Variants in GABRA3 observed in about 807,000 individuals in gnomAD.
GABRA3 encodes the protein gamma-aminobutyric acid receptor subunit alpha-3.
In GABRA3, 10 loss-of-function variants were observed where a neutral mutation model predicts 30.1. The ratio of observed to expected loss-of-function variants is 0.33; its 90% CI spans 0.20 to 0.56. GABRA3 has a LOEUF of 0.56. GABRA3 is among the 20% of genes least tolerant of loss of function. The pLI is 0.89. For missense variants in GABRA3, 233 were observed against 392.0 expected, an observed-to-expected ratio of 0.59 and a Z score of 3.42; for synonymous variants, 151 against 146.8, an observed-to-expected ratio of 1.03 and a Z score of -0.21.
intron 1 of GABRA3, among the ~76,000 whole-genome samples, chrX:152,410,215 G>A (rs1428687101): frequency 9.0e-6 from 1 of 111,654 alleles, no homozygotes; most frequent in Non-Finnish European, 1.9e-5. Flanking sequence ...GTTATCAGAC[G>A]CAGGGAAGGG....
chrX:152,272,254 A>G (rs1012923154), intron 4 of GABRA3, among the ~76,000 whole-genome samples: 2 of 112,373 alleles, frequency 1.8e-5, no homozygotes, highest in Non-Finnish European at 3.8e-5. Flanking sequence ...CAAAGCCATA[A>G]GGGTGGAGAT....
intron 5 of GABRA3, among the ~76,000 whole-genome samples, chrX:152,243,531 A>C (rs983591813): frequency 8.9e-6 from 1 of 112,076 alleles, no homozygotes; most frequent in Non-Finnish European, 1.9e-5. Flanking sequence ...CAGGTCCACC[A>C]TGAACCCAGC....
intron 1 of GABRA3, among the ~76,000 whole-genome samples, chrX:152,376,470 G>A (rs185595003): frequency 9.1e-6 from 1 of 110,364 alleles, no homozygotes; most frequent in Admixed American, 9.7e-5. Flanking sequence ...CCCTATCTTA[G>A]GATAATCTCT....
intron 1 of GABRA3, among the ~76,000 whole-genome samples, chrX:152,368,626 C>T (rs1255858500): frequency 1.8e-5 from 2 of 109,614 alleles, no homozygotes; most frequent in Admixed American, 9.7e-5. Context: ...CTTCAACATA[C>T]TAATTTAATA....
intron 2 of GABRA3, among the ~76,000 whole-genome samples, chrX:152,360,069 T>A (rs1436785148): frequency 1.1e-5 from 1 of 94,236 alleles, no homozygotes; most frequent in Admixed American, 1.2e-4. Flanking sequence ...TCTATCATTG[T>A]TGGACATTTG....
intron 2 of GABRA3, among the ~76,000 whole-genome samples, chrX:152,362,098 C>G (rs1347000609): frequency 9.0e-6 from 1 of 110,588 alleles, no homozygotes; most frequent in Non-Finnish European, 1.9e-5. Context: ...TATACAAGCC[C>G]AGTTCTGCAG....
At position 152,402,443 on chromosome X, in the gene GABRA3, G is replaced by C. The variant is rs778652866; in HGVS notation, c.-26-37847C>G. The stretch of plus-strand genomic sequence containing the variant: ...GGAATAGATTTTAAATTAGCCGTAA[G>C]TTTTGGAACATTTCACTTCCTCTAC... On this transcript the variant is annotated intron_variant, in intron 1 of 9. Coordinates refer to ENST00000370314, the MANE Select transcript of GABRA3 (RefSeq NM_000808.4). 2.1e-3 allele frequency among the ~76,000 whole-genome samples: 232 copies of C among 112,013 alleles called. 1 individual carries two copies. The highest frequency in any genetic ancestry group is 6.7e-3 in the African/African-American group (208 of 30,864).
intron 7 of GABRA3, among the ~76,000 whole-genome samples, chrX:152,206,075 T>A (rs749263617): frequency 1.8e-5 from 2 of 112,952 alleles, no homozygotes; most frequent in African/African-American, 6.4e-5. Context: ...CAGCCAAGGA[T>A]TGGTCTCAAG....
intron 4 of GABRA3, among the ~76,000 whole-genome samples, chrX:152,259,680 G>C (rs1420890910): frequency 9.1e-6 from 1 of 110,497 alleles, no homozygotes; most frequent in African/African-American, 3.3e-5. Context: ...ACCCCGGCAG[G>C]ATTTATCACC....
intron 4 of GABRA3, among the ~76,000 whole-genome samples, chrX:152,270,519 C>G (rs1938912790): frequency 9.0e-6 from 1 of 111,114 alleles, no homozygotes; most frequent in Non-Finnish European, 1.9e-5. Context: ...AACTTCGGGA[C>G]TGGATAACAG....
chrX:152,248,417 T>C (rs1481392637), intron 5 of GABRA3, among the ~76,000 whole-genome samples: 1 of 111,409 alleles, frequency 9.0e-6, no homozygotes, highest in Non-Finnish European at 1.9e-5. Flanking sequence ...ACTGACTTAA[T>C]ACAAATAAGC....
chrX:152,242,080 C>T (rs1356311287), intron 5 of GABRA3, among the ~76,000 whole-genome samples: 1 of 111,789 alleles, frequency 8.9e-6, no homozygotes, highest in African/African-American at 3.3e-5. Flanking sequence ...AAAAAACAAA[C>T]ACATAGACCA....
chrX:152,285,587 A>AT (rs1435231928), intron 3 of GABRA3, among the ~76,000 whole-genome samples: 1 of 111,723 alleles, frequency 9.0e-6, no homozygotes, highest in African/African-American at 3.3e-5. Flanking sequence ...CAAATTGGAA[A>AT]TTAATACTGT....
At chrX:152,252,894 T>C (rs1205613870) in intron 5 of GABRA3, among the ~76,000 whole-genome samples, 1 of 111,567 alleles carries the variant, frequency 9.0e-6, no homozygotes, top group Non-Finnish European at 1.9e-5. Context: ...TATTGGCTCT[T>C]GAGGGGCTTC....
intron 1 of GABRA3, among the ~76,000 whole-genome samples, chrX:152,380,946 T>C (rs1929127018): frequency 8.9e-6 from 1 of 111,876 alleles, no homozygotes. Context: ...AATGACTTAG[T>C]GCTGTTCTAG....
intron 2 of GABRA3, among the ~76,000 whole-genome samples, chrX:152,359,526 G>A (rs889554292): frequency 9.1e-6 from 1 of 110,263 alleles, no homozygotes; most frequent in African/African-American, 3.3e-5. Context: ...TTAATCTTTT[G>A]TATGTTTTTT....
chrX:152,213,117 C>T lies in GABRA3; in HGVS notation c.635-4973G>A, dbSNP rs546066374. On this transcript the variant is annotated intron_variant, in intron 6 of 9. Transcript: ENST00000370314. ...CTTTAGTTGCTTAGCAAAATGCCTC[C>T]TTCTGTTATCTGAGCCTTGGTATGT... 5.2e-4 allele frequency among the ~76,000 whole-genome samples: 58 copies of T among 111,974 alleles called. 1 individual carries two copies. In the South Asian group the frequency reaches 0.017, roughly 33 times the overall value.
chrX:152,325,826 C>A (rs996865635), intron 3 of GABRA3, among the ~76,000 whole-genome samples: 1 of 111,564 alleles, frequency 9.0e-6, no homozygotes, highest in Non-Finnish European at 1.9e-5. Context: ...TCACCAGCAA[C>A]GGAACAAAGC....
At chrX:152,405,679 T>C (rs1326342446) in intron 1 of GABRA3, among the ~76,000 whole-genome samples, 2 of 111,650 alleles carry the variant, frequency 1.8e-5, no homozygotes, top group Admixed American at 1.9e-4. Flanking sequence ...GCCTAATTCC[T>C]GGCCCTAGCT....
Sources: allele counts gnomAD v4.1 joint callset (sites outside exome capture counted in the v4.1 genomes callset), GRCh38; gene constraint gnomAD v4.1.1; transcripts MANE v1.5; gene names NCBI Gene and HGNC (gene_info 2026-07-23, HGNC 2026-07-21).